Variants in CIMAP2 observed in about 807,000 individuals in gnomAD.
The protein encoded by CIMAP2 is ciliary microtubule associated protein 2.
At chr1:54,811,765 G>GCCGGGGGGGGGGGGGGCCCGCCCCCCCC in the CIMAP2 span, 1 of 1,301,332 alleles carries the variant, frequency 7.7e-7, no homozygotes, top group Non-Finnish European at 1.1e-6. Flanking sequence ...GGTTCTGACA[G>GCCGGGGGGGGGGGGGGCCCGCCCCCCCC]CCTCCATGCC....
the CIMAP2 span, among the ~76,000 whole-genome samples, chr1:54,810,686 C>T: frequency 8.5e-5 from 13 of 152,336 alleles, no homozygotes; most frequent in East Asian, 9.7e-4. Context: ...CAGCAGAAAA[C>T]GTCCTGCCAG....
At chr1:54,808,049 C>A in the CIMAP2 span, 1 of 1,496,500 alleles carries the variant, frequency 6.7e-7, no homozygotes, top group Non-Finnish European at 8.9e-7. Flanking sequence ...AGCAGAGAGC[C>A]TGGCATACAC....
the CIMAP2 span, chr1:54,811,976 A>C: frequency 2.5e-6 from 4 of 1,613,902 alleles, no homozygotes; most frequent in Non-Finnish European, 3.4e-6. Flanking sequence ...CCCGTCCTGC[A>C]GGGGCACTCC....
the CIMAP2 span, among the ~76,000 whole-genome samples, chr1:54,809,770 G>C: frequency 6.6e-6 from 1 of 151,998 alleles, no homozygotes; most frequent in African/African-American, 2.4e-5. Context: ...GAGCTAGGGG[G>C]ACAAGCCTGA....
the CIMAP2 span, among the ~76,000 whole-genome samples, chr1:54,831,629 G>A: frequency 1.3e-5 from 2 of 151,306 alleles, no homozygotes; most frequent in African/African-American, 4.9e-5. Flanking sequence ...CTCCAGCCTG[G>A]GTGACAACAG....
chr1:54,811,773 G>GGCCCCCC, the CIMAP2 span: 9 of 1,325,050 alleles, frequency 6.8e-6, no homozygotes, highest in South Asian at 5.2e-5. Flanking sequence ...CAGCCTCCAT[G>GGCCCCCC]CCCCCACCCC....
the CIMAP2 span, chr1:54,817,268 A>C: frequency 4.1e-5 from 46 of 1,131,972 alleles, no homozygotes; most frequent in Non-Finnish European, 9.9e-6. Flanking sequence ...CAGTGGAGGG[A>C]CGTTCACGTT....
At chr1:54,841,546 GT>G in the CIMAP2 span, 10 of 1,610,150 alleles carry the variant, frequency 6.2e-6, no homozygotes, top group Admixed American at 3.4e-5. Context: ...TATACCTGAA[GT>G]TCTTACAAGC....
the CIMAP2 span, among the ~76,000 whole-genome samples, chr1:54,838,483 A>AT: frequency 1.9e-4 from 12 of 61,552 alleles, no homozygotes; most frequent in Non-Finnish European, 4.8e-4. Context: ...CTCCATCTCA[A>AT]TTAAAAAAAA....
the CIMAP2 span, among the ~76,000 whole-genome samples, chr1:54,826,202 G>A: frequency 6.6e-6 from 1 of 152,204 alleles, no homozygotes; most frequent in African/African-American, 2.4e-5. Flanking sequence ...CAGCAGCTCT[G>A]CCACTGGAAG....
At chr1:54,806,361 G>C in the CIMAP2 span, 18 of 837,534 alleles carry the variant, frequency 2.1e-5, no homozygotes, top group South Asian at 3.4e-4. Flanking sequence ...CCAGAGGAGT[G>C]GGGGCCGGCA....
At chr1:54,838,579 C>T in the CIMAP2 span, among the ~76,000 whole-genome samples, 208 of 152,142 alleles carry the variant, frequency 1.4e-3, no homozygotes, top group Non-Finnish European at 2.2e-3. Flanking sequence ...GAGTAACTTT[C>T]CCAGGGCCAC....
the CIMAP2 span, chr1:54,841,851 A>T: frequency 1.5e-3 from 2,320 of 1,552,856 alleles, 50 homozygotes; most frequent in South Asian, 0.025. Flanking sequence ...ACTGTGGATT[A>T]CAATTCAGAT....
chr1:54,818,382 TTTC>T, the CIMAP2 span, among the ~76,000 whole-genome samples: 2 of 151,928 alleles, frequency 1.3e-5, no homozygotes, highest in Non-Finnish European at 2.9e-5. Flanking sequence ...TTTCTTTTTT[TTTC>T]TCTCTCTCTC....
chr1:54,811,773 G>GGGGGGGGGC, the CIMAP2 span: 4 of 1,325,048 alleles, frequency 3.0e-6, no homozygotes, highest in Non-Finnish European at 4.1e-6. Context: ...CAGCCTCCAT[G>GGGGGGGGGC]CCCCCACCCC....
chr1:54,808,571 C>A, the CIMAP2 span, among the ~76,000 whole-genome samples: 1 of 130,768 alleles, frequency 7.6e-6, no homozygotes, highest in African/African-American at 2.7e-5. Context: ...CATGAGGGCC[C>A]TGCAGCCAAG....
chr1:54,807,442 C>A, the CIMAP2 span: 31 of 1,412,558 alleles, frequency 2.2e-5, no homozygotes, highest in Non-Finnish European at 2.6e-5. Context: ...TCCTCCGGGT[C>A]AGGGTGGTGG....
chr1:54,841,753 C>T, the CIMAP2 span: 10 of 1,600,468 alleles, frequency 6.2e-6, no homozygotes, highest in South Asian at 7.7e-5. Context: ...GAGCTCACTC[C>T]CTTCCAAGGG....
chr1:54,814,897 T>G, the CIMAP2 span: 8 of 1,613,920 alleles, frequency 5.0e-6, no homozygotes, highest in East Asian at 1.3e-4. Flanking sequence ...ATTTCAGCCT[T>G]CCTTCCTTAC....
Sources: gnomAD v4.1 joint callset for allele counts (sites outside exome capture counted in the v4.1 genomes callset) on GRCh38, gnomAD v4.1.1 for gene constraint, MANE v1.5 for transcripts, NCBI Gene and HGNC (gene_info 2026-07-23, HGNC 2026-07-21) for gene names.